The following CHIC2 variants were observed in gnomAD, a reference collection of about 807,000 sequenced individuals.
The protein encoded by CHIC2 is cysteine-rich hydrophobic domain-containing protein 2.
In CHIC2, 14 loss-of-function variants were observed where a neutral mutation model predicts 25.9. That is an observed-to-expected ratio of 0.54 (90% confidence interval 0.36 to 0.85). The LOEUF is 0.85. Among genes scored for constraint, CHIC2 ranks in the 40% least tolerant of loss-of-function variants. The pLI, the probability that CHIC2 is intolerant of heterozygous loss-of-function variation, is 0.01. For synonymous variants in CHIC2, 70 were observed against 72.0 expected, an observed-to-expected ratio of 0.97 and a Z score of 0.14; for missense variants, 146 against 202.0, an observed-to-expected ratio of 0.72 and a Z score of 1.68.
intron 3 of CHIC2, among the ~76,000 whole-genome samples, chr4:54,016,625 T>C (rs1420322224): frequency 6.6e-6 from 1 of 152,112 alleles, no homozygotes. Flanking sequence ...AGCTGTGAAT[T>C]AGCACCATCT....
chr4:54,014,001 T>C, intron 4 of CHIC2, 62 bp downstream of exon 4: 1 of 1,599,354 alleles, frequency 6.3e-7, no homozygotes, highest in Non-Finnish European at 8.6e-7. Context: ...AACAAAAGCA[T>C]CTGTTTCCAT....
intron 3 of CHIC2, among the ~76,000 whole-genome samples, chr4:54,021,207 A>T (rs977538956): frequency 3.9e-5 from 6 of 152,132 alleles, no homozygotes; most frequent in African/African-American, 1.2e-4. Context: ...AATGGTTCTA[A>T]ATAGCCAGAA....
At chr4:54,081,803 C>G in the CHIC2 span, among the ~76,000 whole-genome samples, 3 of 152,144 alleles carry the variant, frequency 2.0e-5, no homozygotes, top group African/African-American at 7.2e-5. Flanking sequence ...CTTAAGTGAG[C>G]CTCCTGCCTT....
At chr4:54,032,762 A>G (rs1173893696) in intron 3 of CHIC2, among the ~76,000 whole-genome samples, 1 of 152,216 alleles carries the variant, frequency 6.6e-6, no homozygotes, top group Non-Finnish European at 1.5e-5. Context: ...AAGTGGAAGT[A>G]CTATTATTTT....
chr4:54,044,581 G>T (rs1185290603), intron 3 of CHIC2, among the ~76,000 whole-genome samples: 2 of 151,988 alleles, frequency 1.3e-5, no homozygotes, highest in African/African-American at 4.8e-5. Context: ...CAGAAATAAA[G>T]ATGTCCTTTG....
chr4:54,036,250 T>A (rs1452417131), intron 3 of CHIC2, among the ~76,000 whole-genome samples: 2 of 152,190 alleles, frequency 1.3e-5, no homozygotes, highest in Non-Finnish European at 2.9e-5. Flanking sequence ...ACTAGTTCTA[T>A]CAGTTATCAA....
At chr4:54,020,408 ACT>A (rs1715864523) in intron 3 of CHIC2, among the ~76,000 whole-genome samples, 2 of 151,928 alleles carry the variant, frequency 1.3e-5, no homozygotes, top group Non-Finnish European at 2.9e-5. Context: ...CCTTTTGCTG[ACT>A]CTCTTTTTGG....
chr4:54,010,965 A>T (rs1715568248), intron 5 of CHIC2, among the ~76,000 whole-genome samples: 1 of 152,142 alleles, frequency 6.6e-6, no homozygotes, highest in Admixed American at 6.5e-5. Flanking sequence ...CAAAAACAAA[A>T]TATGGTAACA....
At chr4:54,067,418 A>G (rs1369711893), upstream of CHIC2, among the ~76,000 whole-genome samples, 2 of 152,132 alleles carry the variant, frequency 1.3e-5, no homozygotes, top group East Asian at 1.9e-4. Flanking sequence ...ACATGAGTCA[A>G]ACATTTTCCT....
In CHIC2 at chr4:54,047,566, G is replaced by C. The variant is rs528838245; in HGVS notation, c.330+1389C>G. Among the ~76,000 whole-genome samples, 18 of 147,292 alleles carry C rather than the reference G, an allele frequency of 1.2e-4. No individual in the cohort carries two copies. In the South Asian group the frequency reaches 3.9e-3, roughly 32 times the overall value. On this transcript the variant is annotated intron_variant, in intron 3 of 5. Coordinates refer to ENST00000263921, the MANE Select transcript of CHIC2 (RefSeq NM_012110.4). ...TCGCAAGGACAAAAAACCAAACACCGCATATTCTCACTCATAGGTGGGAAT... is the reference window on the plus strand; with the variant it reads ...TCGCAAGGACAAAAAACCAAACACCCCATATTCTCACTCATAGGTGGGAAT...
At chr4:54,079,203 A>G in the CHIC2 span, among the ~76,000 whole-genome samples, 2 of 152,106 alleles carry the variant, frequency 1.3e-5, no homozygotes, top group Non-Finnish European at 2.9e-5. Flanking sequence ...TAGGTGACAG[A>G]GACTCCATTT....
chr4:54,023,426 G>A (rs180879712), intron 3 of CHIC2, among the ~76,000 whole-genome samples: 2 of 152,022 alleles, frequency 1.3e-5, no homozygotes, highest in East Asian at 3.9e-4. Flanking sequence ...TCTGCTCCCC[G>A]GCTCCTTCAG....
intron 3 of CHIC2, among the ~76,000 whole-genome samples, chr4:54,030,513 T>C (rs1716192185): frequency 7.3e-6 from 1 of 137,832 alleles, no homozygotes; most frequent in African/African-American, 2.9e-5. Context: ...AGAGAGTCCC[T>C]ATCTCAAAAG....
Position 54,010,118 on chromosome 4 carries a change from T to A in CHIC2, c.475A>T (p.Thr159Ser). ...YVILIEFLPK[T>S]PIFRPD ...TGCTAATCTGGTCGAAAAATCGGTGTCTTTGGTAAAAATTCTATGAGGATG... is the reference window on the plus strand; with the variant it reads ...TGCTAATCTGGTCGAAAAATCGGTGACTTTGGTAAAAATTCTATGAGGATG... Residue 159 changes from threonine to serine, a missense_variant, in exon 6 of 6, where the codon ACA (threonine) becomes TCA (serine). Physicochemically the swap from Thr to Ser is moderately conservative, Grantham distance 58. Transcript: ENST00000263921. The A allele has an allele frequency of 6.2e-7, 1 of 1,607,692 alleles. No homozygotes were observed. The highest frequency in any genetic ancestry group is 8.5e-7 in the Non-Finnish European group (1 of 1,174,802).
chr4:54,052,017 C>T (rs942564152), intron 1 of CHIC2, among the ~76,000 whole-genome samples: 1 of 152,142 alleles, frequency 6.6e-6, no homozygotes, highest in African/African-American at 2.4e-5. Context: ...AGTCTTCTTT[C>T]ATATAGCATG....
At chr4:54,012,547 T>C (rs1715627026) in intron 5 of CHIC2, among the ~76,000 whole-genome samples, 1 of 152,134 alleles carries the variant, frequency 6.6e-6, no homozygotes, top group African/African-American at 2.4e-5. Flanking sequence ...AGTTTTAAGC[T>C]TAGTGTTTGT....
At chr4:54,038,307 A>G (rs994946511) in intron 3 of CHIC2, among the ~76,000 whole-genome samples, 2 of 152,222 alleles carry the variant, frequency 1.3e-5, no homozygotes, top group African/African-American at 4.8e-5. Flanking sequence ...GCAAAAATCA[A>G]CTGTATTTTA....
upstream of CHIC2, among the ~76,000 whole-genome samples, chr4:54,068,286 G>T (rs559131237): frequency 2.6e-5 from 4 of 152,212 alleles, no homozygotes; most frequent in South Asian, 8.3e-4. Flanking sequence ...AAATATTAGG[G>T]CCTTTGGGAG....
chr4:54,022,640 T>C (rs1032636617), intron 3 of CHIC2, among the ~76,000 whole-genome samples: 32 of 152,220 alleles, frequency 2.1e-4, no homozygotes, highest in African/African-American at 7.0e-4. Flanking sequence ...GCCACCCTTC[T>C]TCCCAACCCA....
Sources: gnomAD v4.1 joint callset for allele counts (sites outside exome capture counted in the v4.1 genomes callset) on GRCh38, gnomAD v4.1.1 for gene constraint, MANE v1.5 for transcripts, NCBI Gene and HGNC (gene_info 2026-07-23, HGNC 2026-07-21) for gene names.